The following FAT3 variants were observed in gnomAD, a reference collection of about 807,000 sequenced individuals.
The protein encoded by FAT3 is protocadherin Fat 3.
A neutral mutation model predicts 310.2 loss-of-function variants in FAT3; 95 were observed. The ratio of observed to expected loss-of-function variants is 0.31; its 90% CI spans 0.26 to 0.36. FAT3 has a LOEUF of 0.36. Ranked by LOEUF, FAT3 falls within the 10% of genes least tolerant of loss-of-function variation. The pLI is 1.00. For missense variants in FAT3, 5,408 were observed against 5,715.6 expected (o/e 0.95, Z 1.74); for synonymous variants, 2,314 against 2,192.9 (o/e 1.06, Z -1.54).
chr11:92,543,964 T>C (rs1954534815), intron 3 of FAT3, among the ~76,000 whole-genome samples: 1 of 152,198 alleles, frequency 6.6e-6, no homozygotes, highest in African/African-American at 2.4e-5. Context: ...TATTGATCAC[T>C]ACTGAACAAT....
intron 3 of FAT3, among the ~76,000 whole-genome samples, chr11:92,621,495 G>A (rs1442465620): frequency 6.6e-6 from 1 of 152,160 alleles, no homozygotes; most frequent in Non-Finnish European, 1.5e-5. Flanking sequence ...TGGAGGAGTT[G>A]GAGAAAATCA....
At position 92,354,548 on chromosome 11, in the gene FAT3, G is replaced by T. The variant is rs368806358; in HGVS notation, c.2436G>T (p.Ser812=). 7 of 1,613,810 alleles carry T rather than the reference G, an allele frequency of 4.3e-6. No homozygotes were observed. The highest frequency in any genetic ancestry group is 2.2e-5 in the South Asian group (2 of 91,068). Residue 812 remains serine, a synonymous_variant, in exon 2 of 28, where the codon TCG becomes TCT. Coordinates refer to ENST00000525166, the MANE Select transcript of FAT3 (RefSeq NM_001367949.2). ...ATGACTTAGGTAATCCACAGAAATC[G>T]TCATGGAGACTGCTGACCATCAATG... The part of the protein sequence containing the change: ...TIYDLGNPQK[S]SWRLLTINVE...
intron 2 of FAT3, among the ~76,000 whole-genome samples, chr11:92,381,234 G>A (rs534558698): frequency 5.3e-5 from 8 of 152,332 alleles, no homozygotes; most frequent in African/African-American, 1.9e-4. Context: ...GTTGGGCCAG[G>A]TGCAGTGGCT....
At chr11:92,296,231 G>A (rs1183947253) in intron 1 of FAT3, among the ~76,000 whole-genome samples, 1 of 152,130 alleles carries the variant, frequency 6.6e-6, no homozygotes, top group African/African-American at 2.4e-5. Flanking sequence ...TTGTAGCTAA[G>A]AGTGTGTGGT....
chr11:92,412,736 T>TATATACACACAC (rs1591252620), intron 2 of FAT3, among the ~76,000 whole-genome samples: 9 of 14,960 alleles, frequency 6.0e-4, no homozygotes, highest in Non-Finnish European at 1.5e-3. Context: ...TATATATATA[T>TATATACACACAC]ATATATATAA....
At chr11:92,488,034 C>T (rs978060091) in intron 2 of FAT3, among the ~76,000 whole-genome samples, 2 of 152,156 alleles carry the variant, frequency 1.3e-5, no homozygotes, top group Non-Finnish European at 2.9e-5. Context: ...GTCACCCTTA[C>T]GATTACAATA....
At chr11:92,309,165 C>CCT (rs1947222698) in intron 1 of FAT3, among the ~76,000 whole-genome samples, 1 of 147,868 alleles carries the variant, frequency 6.8e-6, no homozygotes, top group Non-Finnish European at 1.5e-5. Context: ...CCACACCCCC[C>CCT]TTTCCTGCAA....
intron 2 of FAT3, among the ~76,000 whole-genome samples, chr11:92,432,463 G>A (rs905165590): frequency 7.2e-5 from 11 of 152,108 alleles, no homozygotes; most frequent in Admixed American, 2.0e-4. Context: ...CCTCCTTTTT[G>A]TTGATGTTCA....
chr11:92,585,895 C>G (rs1422060253), intron 3 of FAT3, among the ~76,000 whole-genome samples: 1 of 151,848 alleles, frequency 6.6e-6, no homozygotes, highest in African/African-American at 2.4e-5. Flanking sequence ...TCTGTCCTCC[C>G]TTGCTCCCTC....
At chr11:92,381,728 T>C (rs1261383487) in intron 2 of FAT3, among the ~76,000 whole-genome samples, 1 of 152,172 alleles carries the variant, frequency 6.6e-6, no homozygotes, top group Non-Finnish European at 1.5e-5. Flanking sequence ...AAATTTGGGA[T>C]TTTTTGGTGA....
chr11:92,667,913 C>T (rs1943008098), intron 3 of FAT3, among the ~76,000 whole-genome samples: 1 of 152,166 alleles, frequency 6.6e-6, no homozygotes, highest in African/African-American at 2.4e-5. Context: ...GCCACCAAGG[C>T]CTTTTCAATA....
intron 2 of FAT3, chr11:92,366,559 A>G (rs571731842): frequency 3.9e-6 from 2 of 506,724 alleles, no homozygotes; most frequent in Non-Finnish European, 8.0e-6. Context: ...TCCCCCAAGA[A>G]CTGCATGCGC....
At chr11:92,321,436 C>CA (rs61666151) in intron 1 of FAT3, among the ~76,000 whole-genome samples, 22,515 of 122,076 alleles carry the variant, frequency 0.18, 1,747 homozygotes, top group South Asian at 0.22. Flanking sequence ...GACTCCGTCT[C>CA]AAAAAAAAAA....
In FAT3 at chr11:92,840,685, G is replaced by A. The variant is rs1195836118; in HGVS notation, c.10492G>A (p.Asp3498Asn). Residue 3498 changes from aspartate to asparagine, a missense_variant, in exon 18 of 28, where the codon GAC becomes AAC. Coordinates refer to ENST00000525166, the MANE Select transcript of FAT3 (RefSeq NM_001367949.2). The part of the protein sequence containing the change: ...SGNEEEEFVL[D>N]PHGILRSAVV... ...AAATGAAGAGGAGGAGTTTGTGTTG[G>A]ACCCTCATGGGATCTTGCGGTCGGC... The A allele has an allele frequency of 6.2e-7, 1 of 1,612,630 alleles. No homozygotes were observed. Among genetic ancestry groups the A allele is most frequent in the Non-Finnish European group, 8.5e-7 (1 of 1,178,932 alleles).
chr11:92,715,452 T>G (rs1944654914), intron 4 of FAT3, among the ~76,000 whole-genome samples: 1 of 151,774 alleles, frequency 6.6e-6, no homozygotes, highest in Non-Finnish European at 1.5e-5. Context: ...AATTAATTAA[T>G]GTTAAATTGA....
intron 3 of FAT3, among the ~76,000 whole-genome samples, chr11:92,688,730 A>C (rs1467831713): frequency 6.6e-6 from 1 of 152,192 alleles, no homozygotes; most frequent in Non-Finnish European, 1.5e-5. Context: ...CTGCATTTCT[A>C]ACCAGCTCCC....
chr11:92,450,390 C>T (rs1291101021), intron 2 of FAT3, among the ~76,000 whole-genome samples: 1 of 152,030 alleles, frequency 6.6e-6, no homozygotes, highest in Non-Finnish European at 1.5e-5. Flanking sequence ...TTTCCTGTGG[C>T]TGTGGGGGGT....
At chr11:92,534,404 G>A (rs1384434205) in intron 3 of FAT3, among the ~76,000 whole-genome samples, 1 of 152,140 alleles carries the variant, frequency 6.6e-6, no homozygotes, top group Non-Finnish European at 1.5e-5. Context: ...AAATGCTATT[G>A]AATTTGAAAA....
At chr11:92,488,938 T>G (rs1027757302) in intron 2 of FAT3, among the ~76,000 whole-genome samples, 6 of 152,130 alleles carry the variant, frequency 3.9e-5, no homozygotes, top group African/African-American at 1.4e-4. Flanking sequence ...GGTTACTTCA[T>G]AAAACTAGGA....
Sources: gnomAD v4.1 joint callset for allele counts (sites outside exome capture counted in the v4.1 genomes callset) on GRCh38, gnomAD v4.1.1 for gene constraint, MANE v1.5 for transcripts, NCBI Gene and HGNC (gene_info 2026-07-23, HGNC 2026-07-21) for gene names.